Variants in NUDT3 observed in about 807,000 individuals in gnomAD.
NUDT3 encodes diphosphoinositol polyphosphate phosphohydrolase 1.
In NUDT3, 9 loss-of-function variants were observed where a neutral mutation model predicts 23.6. The ratio of observed to expected loss-of-function variants is 0.38; its 90% CI spans 0.23 to 0.66. The LOEUF (loss-of-function observed/expected upper bound fraction) is 0.66. NUDT3 is among the 30% of genes least tolerant of loss of function. The pLI is 0.52. For missense variants in NUDT3, 172 were observed against 218.5 expected, an observed-to-expected ratio of 0.79 and a Z score of 1.34; for synonymous variants, 86 against 82.6, an observed-to-expected ratio of 1.04 and a Z score of -0.22.
chr6:34,376,150 T>C (rs1050766366), intron 1 of NUDT3, among the ~76,000 whole-genome samples: 2 of 152,206 alleles, frequency 1.3e-5, no homozygotes, highest in Admixed American at 6.5e-5. Context: ...CAAAGTTCCA[T>C]CTTCTCTCCG....
At chr6:34,329,919 G>A (rs567568883) in intron 2 of NUDT3, among the ~76,000 whole-genome samples, 1 of 152,220 alleles carries the variant, frequency 6.6e-6, no homozygotes, top group South Asian at 2.1e-4. Context: ...CTGTCCTTGT[G>A]ACAGTTTGCT....
chr6:34,368,242 C>G (rs1316595264), intron 1 of NUDT3, among the ~76,000 whole-genome samples: 2 of 152,144 alleles, frequency 1.3e-5, no homozygotes, highest in African/African-American at 4.8e-5. Flanking sequence ...ATATTGTTTT[C>G]AGGTGTTTCT....
chr6:34,311,652 G>A (rs565836295), intron 2 of NUDT3, among the ~76,000 whole-genome samples: 5 of 152,252 alleles, frequency 3.3e-5, no homozygotes, highest in East Asian at 1.9e-4. Context: ...GTTGGAGAAC[G>A]GATACCCAAC....
At position 34,281,002 on chromosome 6, in the gene NUDT3, C is replaced by G. The variant is rs2113684628; in HGVS notation, c.*7751G>C. 6.6e-6 allele frequency: 1 copy of G among 152,256 alleles called. No individual in the cohort carries two copies. Among genetic ancestry groups the G allele is most frequent in the East Asian group, 1.9e-4 (1 of 5,188 alleles). 9.4% of individuals were successfully genotyped at this position (152,256 alleles called of 1,614,324 possible). On this transcript the variant is annotated 3_prime_UTR_variant, in exon 5 of 5. Coordinates refer to ENST00000607016, the MANE Select transcript of NUDT3 (RefSeq NM_006703.4). The stretch of plus-strand genomic sequence containing the variant: ...TACTTTGCCTCAACCCACGGGGTTC[C>G]CTGGAAACATTTGTTGAACTTGGCC...
chr6:34,365,934 A>G (rs1336782502), intron 1 of NUDT3, among the ~76,000 whole-genome samples: 1 of 152,114 alleles, frequency 6.6e-6, no homozygotes, highest in Non-Finnish European at 1.5e-5. Context: ...CCAGCTACTC[A>G]GGAGACTGAA....
chr6:34,359,268 G>A (rs1189161243), intron 1 of NUDT3, among the ~76,000 whole-genome samples: 1 of 152,200 alleles, frequency 6.6e-6, no homozygotes, highest in Non-Finnish European at 1.5e-5. Context: ...AGCTACTTGG[G>A]AGGCTGAGGC....
chr6:34,330,682 TC>T (rs1271261831), intron 2 of NUDT3, among the ~76,000 whole-genome samples: 4 of 151,904 alleles, frequency 2.6e-5, no homozygotes, highest in African/African-American at 9.7e-5. Flanking sequence ...TTACTTGTAG[TC>T]CCAGCTACTC....
At chr6:34,309,441 A>T (rs968215876) in intron 2 of NUDT3, among the ~76,000 whole-genome samples, 10 of 152,124 alleles carry the variant, frequency 6.6e-5, no homozygotes, top group Admixed American at 1.3e-4. Context: ...GAAAAGAAAG[A>T]TCTAAAATTA....
intron 1 of NUDT3, among the ~76,000 whole-genome samples, chr6:34,355,391 T>A (rs1182486474): frequency 6.6e-6 from 1 of 152,062 alleles, no homozygotes; most frequent in African/African-American, 2.4e-5. Context: ...TTAGTCACGA[T>A]GTATTATTCT....
At chr6:34,348,913 G>A (rs1025069749) in intron 1 of NUDT3, among the ~76,000 whole-genome samples, 4 of 151,644 alleles carry the variant, frequency 2.6e-5, no homozygotes, top group East Asian at 1.9e-4. Context: ...AGGCTAGAGC[G>A]CAGTGGTGCA....
chr6:34,297,745 ATATATATATATATAATTTT>A (rs1199904929), intron 2 of NUDT3, among the ~76,000 whole-genome samples: 2 of 104,522 alleles, frequency 1.9e-5, no homozygotes, highest in East Asian at 3.1e-4. Flanking sequence ...ATATATATAT[ATATATATATATATAATTTT>A]TTTTTTTTTT....
intron 2 of NUDT3, among the ~76,000 whole-genome samples, chr6:34,333,978 G>A (rs980799190): frequency 1.3e-5 from 2 of 152,232 alleles, no homozygotes; most frequent in African/African-American, 4.8e-5. Flanking sequence ...TAAGCTAAGA[G>A]GCTGAGAAGA....
At chr6:34,361,347 T>A (rs972812434) in intron 1 of NUDT3, among the ~76,000 whole-genome samples, 1 of 152,188 alleles carries the variant, frequency 6.6e-6, no homozygotes, top group Admixed American at 6.5e-5. Flanking sequence ...CCTATTAGAA[T>A]AGCCAAAATC....
intron 2 of NUDT3, among the ~76,000 whole-genome samples, chr6:34,336,745 A>G (rs918529915): frequency 4.0e-5 from 6 of 151,004 alleles, no homozygotes; most frequent in African/African-American, 1.2e-4. Context: ...TAAGTAGGAC[A>G]ACTGAAGTTC....
chr6:34,290,401 C>CTTTTTTT (rs952499361), intron 4 of NUDT3, among the ~76,000 whole-genome samples: 47 of 107,318 alleles, frequency 4.4e-4, no homozygotes, highest in Non-Finnish European at 6.7e-4. Context: ...GCTGCTGCTT[C>CTTTTTTT]TTTTTTTTTT....
chr6:34,314,590 CA>C (rs1457463938), intron 2 of NUDT3, among the ~76,000 whole-genome samples: 1 of 151,250 alleles, frequency 6.6e-6, no homozygotes, highest in Non-Finnish European at 1.5e-5. Context: ...ACCCTAATGC[CA>C]AAAGTAGTTT....
intron 4 of NUDT3, among the ~76,000 whole-genome samples, chr6:34,290,995 C>T (rs969836494): frequency 4.0e-5 from 6 of 151,650 alleles, no homozygotes; most frequent in South Asian, 2.1e-4. Context: ...AGGCTCACTC[C>T]GTCATGCAGG....
chr6:34,381,041 G>A (rs1321643821), intron 1 of NUDT3, among the ~76,000 whole-genome samples: 3 of 151,986 alleles, frequency 2.0e-5, no homozygotes, highest in African/African-American at 7.2e-5. Context: ...TTTTTAGACA[G>A]GGTCTTACTC....
intron 1 of NUDT3, among the ~76,000 whole-genome samples, chr6:34,355,904 G>A (rs1252831513): frequency 6.6e-6 from 1 of 152,076 alleles, no homozygotes; most frequent in Admixed American, 6.5e-5. Flanking sequence ...ATGGAAGCTC[G>A]GTCCCCTTCC....
Sources: gnomAD v4.1 joint callset for allele counts (sites outside exome capture counted in the v4.1 genomes callset) on GRCh38, gnomAD v4.1.1 for gene constraint, MANE v1.5 for transcripts, NCBI Gene and HGNC (gene_info 2026-07-23, HGNC 2026-07-21) for gene names.